DRAM1: variants seen among roughly 807,000 people sequenced by gnomAD.
The protein encoded by DRAM1 is DNA damage regulated autophagy modulator 1.
Under a neutral mutation model 28.5 loss-of-function variants are expected in DRAM1, and 25 were observed. The ratio of observed to expected loss-of-function variants is 0.88; its 90% CI spans 0.64 to 1.23. DRAM1 has a LOEUF of 1.23. Among genes scored for constraint, DRAM1 ranks in the 50% most tolerant of loss-of-function variants. DRAM1 has a pLI of 0.00. For synonymous variants in DRAM1, 113 were observed against 114.2 expected (o/e 0.99, Z 0.07); for missense variants, 249 against 299.2 (o/e 0.83, Z 1.24).
intron 1 of DRAM1, among the ~76,000 whole-genome samples, chr12:101,888,150 A>G (rs981873759): frequency 2.0e-5 from 3 of 151,998 alleles, no homozygotes; most frequent in Non-Finnish European, 4.4e-5. Context: ...TTGTTTTGAG[A>G]CAGAGTTTTT....
intron 1 of DRAM1, among the ~76,000 whole-genome samples, chr12:101,895,186 G>GTTTGTTTTTTTTTTTTTTTTTT (rs1372490429): frequency 1.3e-5 from 1 of 75,720 alleles, no homozygotes; most frequent in African/African-American, 5.5e-5. Context: ...AACCCTTCAG[G>GTTTGTTTTTTTTTTTTTTTTTT]TTTTTTTTTT....
At chr12:101,888,775 C>T (rs1393161058) in intron 1 of DRAM1, among the ~76,000 whole-genome samples, 1 of 141,700 alleles carries the variant, frequency 7.1e-6, no homozygotes, top group Non-Finnish European at 1.5e-5. Flanking sequence ...TGATGACTTT[C>T]AAACATCTCA....
chr12:101,901,490 G>C, intron 3 of DRAM1, 57 bp downstream of exon 3: 5 of 1,574,368 alleles, frequency 3.2e-6, no homozygotes. Flanking sequence ...TGTCTGAAGA[G>C]AGCAGCAGAA....
At chr12:101,911,818 A>G (rs1198608485) in intron 4 of DRAM1, among the ~76,000 whole-genome samples, 2 of 152,332 alleles carry the variant, frequency 1.3e-5, no homozygotes, top group Admixed American at 1.3e-4. Flanking sequence ...AATAAGATGT[A>G]TGTTGTTTAT....
chr12:101,902,821 C>A (rs1293485706), intron 3 of DRAM1, among the ~76,000 whole-genome samples: 1 of 152,156 alleles, frequency 6.6e-6, no homozygotes, highest in Admixed American at 6.6e-5. Context: ...TGTTTGGTAT[C>A]CTGTAATTCA....
At chr12:101,880,994 C>T (rs1037858528) in intron 1 of DRAM1, among the ~76,000 whole-genome samples, 1 of 152,198 alleles carries the variant, frequency 6.6e-6, no homozygotes, top group Admixed American at 6.5e-5. Flanking sequence ...TTGCTCTCTG[C>T]TTACCTGAGC....
intron 2 of DRAM1, among the ~76,000 whole-genome samples, chr12:101,898,758 G>A (rs562024861): frequency 6.6e-6 from 1 of 152,306 alleles, no homozygotes; most frequent in East Asian, 1.9e-4. Flanking sequence ...GAGGACCATT[G>A]ACAAAGGCAT....
At chr12:101,913,635 G>C (rs1874120870) in intron 4 of DRAM1, among the ~76,000 whole-genome samples, 1 of 150,734 alleles carries the variant, frequency 6.6e-6, no homozygotes, top group Admixed American at 6.6e-5. Flanking sequence ...GAACCCAGGA[G>C]GTGGAGGTTG....
In DRAM1 at chr12:101,921,550, C is replaced by T. The variant is rs560529837; in HGVS notation, c.*290C>T. 130 of 243,238 alleles carry T rather than the reference C, an allele frequency of 5.3e-4. No homozygotes were observed. The highest frequency in any genetic ancestry group is 2.8e-3 in the African/African-American group (124 of 44,188). The allele number at this position is 243,238 out of a possible 1,614,324, so 15.1% of individuals were successfully genotyped here. Reference sequence around the variant, plus strand: ...ATAAGGTGTTACAAAAAATGGAGAGCTCTTATTTTTGTACAGATTCTGTCG... The same window carrying T: ...ATAAGGTGTTACAAAAAATGGAGAGTTCTTATTTTTGTACAGATTCTGTCG... On this transcript the variant is annotated 3_prime_UTR_variant, in exon 7 of 7. Transcript: ENST00000258534.
At chr12:101,920,915 A>T (rs1055332551) in intron 6 of DRAM1, among the ~76,000 whole-genome samples, 7 of 152,338 alleles carry the variant, frequency 4.6e-5, no homozygotes, top group African/African-American at 1.7e-4. Context: ...CTATCTCAAA[A>T]TAAATAAATA....
intron 1 of DRAM1, among the ~76,000 whole-genome samples, chr12:101,894,168 A>C (rs1294838277): frequency 6.6e-6 from 1 of 152,062 alleles, no homozygotes; most frequent in East Asian, 1.9e-4. Flanking sequence ...CCTAGGCTGG[A>C]GTGCAATGGC....
intron 2 of DRAM1, 152 bp from the exon 3 acceptor site, chr12:101,901,139 G>A (rs1390619676): frequency 9.1e-6 from 6 of 662,656 alleles, no homozygotes; most frequent in Non-Finnish European, 1.5e-5. Flanking sequence ...ACATGCTGGG[G>A]AGAGAGTAAG....
rs1282676981 is a variant in DRAM1, at chr12:101,922,314, A to G, written c.*1054A>G. On this transcript the variant is annotated 3_prime_UTR_variant, in exon 7 of 7. Transcript: ENST00000258534. ...CATCTTTTCACCCAAATCATGAATG[A>G]CCAATAAAAAGCAAGTTATTCCAGA... 3.9e-5 allele frequency: 6 copies of G among 152,396 alleles called. No homozygotes were observed. The highest frequency in any genetic ancestry group is 1.4e-4 in the African/African-American group (6 of 41,592). The allele number at this position is 152,396 out of a possible 1,614,324, so 9.4% of individuals were successfully genotyped here. A position where few individuals can be genotyped will look rare whatever the true frequency, so the allele number is the denominator to read the frequency against.
chr12:101,919,657 C>G (rs1009937461), intron 5 of DRAM1, among the ~76,000 whole-genome samples: 3 of 152,190 alleles, frequency 2.0e-5, no homozygotes, highest in African/African-American at 7.2e-5. Flanking sequence ...ACCTAGGGGA[C>G]TAGTTGGCCA....
chr12:101,891,044 C>T (rs766994074), intron 1 of DRAM1, among the ~76,000 whole-genome samples: 3 of 152,150 alleles, frequency 2.0e-5, no homozygotes, highest in East Asian at 1.9e-4. Flanking sequence ...CCACCGCGCC[C>T]GGCCTGCCCC....
At chr12:101,908,438 G>T (rs879716864) in intron 4 of DRAM1, 75 bp downstream of exon 4, 9 of 1,443,718 alleles carry the variant, frequency 6.2e-6, no homozygotes, top group Admixed American at 2.0e-5. Context: ...GGGTAATGAA[G>T]ACTTTATAGG....
intron 3 of DRAM1, among the ~76,000 whole-genome samples, chr12:101,902,480 GCA>G (rs1349964396): frequency 3.3e-5 from 5 of 152,112 alleles, no homozygotes; most frequent in African/African-American, 9.7e-5. Context: ...CCATCAGGAT[GCA>G]CACACACACA....
chr12:101,888,993 G>T (rs1872996491), intron 1 of DRAM1, among the ~76,000 whole-genome samples: 1 of 151,468 alleles, frequency 6.6e-6, no homozygotes, highest in African/African-American at 2.4e-5. Flanking sequence ...TGTAGAGACG[G>T]GATCTCACTG....
At chr12:101,888,673 G>C (rs1872977798) in intron 1 of DRAM1, among the ~76,000 whole-genome samples, 1 of 151,530 alleles carries the variant, frequency 6.6e-6, no homozygotes, top group Admixed American at 6.6e-5. Flanking sequence ...TTTGTTCTCA[G>C]TGAATTAAGT....
Sources: allele counts gnomAD v4.1 joint callset (sites outside exome capture counted in the v4.1 genomes callset), GRCh38; gene constraint gnomAD v4.1.1; transcripts MANE v1.5; gene names NCBI Gene and HGNC (gene_info 2026-07-23, HGNC 2026-07-21).